MDGA2: variants seen among roughly 807,000 people sequenced by gnomAD.
MDGA2 encodes the protein MAM domain-containing glycosylphosphatidylinositol anchor protein 2.
MDGA2 carries 40 observed loss-of-function variants against 117.8 expected under a neutral mutation model. The observed-to-expected ratio is 0.34, with a 90% CI of 0.26 to 0.44. The LOEUF (loss-of-function observed/expected upper bound fraction) is 0.44. MDGA2 is among the 20% of genes least tolerant of loss of function. The pLI is 1.00. For synonymous variants in MDGA2, 452 were observed against 439.0 expected (o/e 1.03, Z -0.37); for missense variants, 1,123 against 1,250.6 (o/e 0.90, Z 1.54).
At position 46,884,653 on chromosome 14, in the gene MDGA2, C is replaced by T. The variant is rs1365461024; in HGVS notation, c.2239-2432G>A. On this transcript the variant is annotated intron_variant, in intron 10 of 16. Coordinates refer to ENST00000399232, the MANE Select transcript of MDGA2 (RefSeq NM_001113498.3). The surrounding 1 kb of genome is among the most constrained non-coding windows in gnomAD (Gnocchi z 4.1). ...AAATATAAAATATATAGAGTGTCTG[C>T]ACAGAAGAGAGAAAAATATATACCA... Among the ~76,000 whole-genome samples the T allele has an allele frequency of 6.6e-6, 1 of 151,928 alleles. No homozygotes were observed. Among genetic ancestry groups the T allele is most frequent in the Non-Finnish European group, 1.5e-5 (1 of 67,994 alleles).
At chr14:47,096,722 T>C in intron 6 of MDGA2, 132 bp downstream of exon 6, 4 of 912,274 alleles carry the variant, frequency 4.4e-6, no homozygotes, top group Non-Finnish European at 6.7e-6. Flanking sequence ...ACCATTATTA[T>C]TTATACATGA....
In MDGA2 at chr14:46,874,122, T is replaced by G; in HGVS notation, c.2516A>C (p.Lys839Thr). ...QDDTDNFDWT[K>T]QSTATRNTKY... ...TGTATTTCTTGTTGCTGTACTTTGC[T>G]TTGTCCAGTCAAAATTATCTGTATC... The change falls in exon 13 of 17, where the codon AAG (lysine) becomes ACG (threonine). Residue 839 changes from lysine to threonine, a missense_variant. Lys to Thr is a moderately conservative substitution (Grantham distance 78). Around this residue, in one of 2 missense-constraint regions of MDGA2, gnomAD observed 890 missense variants for 1,050.3 expected, o/e 0.85. Coordinates refer to ENST00000399232, the MANE Select transcript of MDGA2 (RefSeq NM_001113498.3). The G allele has an allele frequency of 6.4e-7, 1 of 1,550,896 alleles. No homozygotes were observed. Among genetic ancestry groups the G allele is most frequent in the Non-Finnish European group, 8.7e-7 (1 of 1,149,788 alleles).
chr14:47,176,777 C>A (rs1022196139), intron 3 of MDGA2, among the ~76,000 whole-genome samples: 10 of 152,070 alleles, frequency 6.6e-5, no homozygotes, highest in Non-Finnish European at 1.3e-4. Flanking sequence ...AAAGCAATGG[C>A]AACAAAAGCC....
At chr14:47,598,872 C>A (rs1165874003) in intron 1 of MDGA2, among the ~76,000 whole-genome samples, 1 of 152,094 alleles carries the variant, frequency 6.6e-6, no homozygotes, top group Non-Finnish European at 1.5e-5. Context: ...CTACACTCTT[C>A]CCCACCTAAA....
Position 47,301,496 on chromosome 14 carries a change from T to C in MDGA2, c.335A>G (p.Glu112Gly), listed in dbSNP as rs187498428. The change falls in exon 2 of 17, where the codon GAG becomes GGG. Residue 112 changes from glutamate (E) to glycine (G), a missense_variant. By Grantham distance (98) the Glu-to-Gly change is moderately conservative (BLOSUM62 -2). Around this residue, in one of 2 missense-constraint regions of MDGA2, gnomAD observed 233 missense variants for 200.3 expected, o/e 1.16. Coordinates refer to ENST00000399232, the MANE Select transcript of MDGA2 (RefSeq NM_001113498.3). ...AGTGTAGACCCTTTCGGAGTAGCGCTCCTCTTCAATGTTACAGGCCAAGCC... is the reference window on the plus strand; with the variant it reads ...AGTGTAGACCCTTTCGGAGTAGCGCCCCTCTTCAATGTTACAGGCCAAGCC... ...HSGLACNIEE[E>G]RYSERVYTIR... 110 of 1,551,658 alleles carry C rather than the reference T, an allele frequency of 7.1e-5. No individual in the cohort carries two copies. In the African/African-American group the frequency reaches 9.3e-4, roughly 13 times the overall value.
intron 1 of MDGA2, among the ~76,000 whole-genome samples, chr14:47,479,357 G>C (rs1157786574): frequency 6.6e-6 from 1 of 150,982 alleles, no homozygotes; most frequent in African/African-American, 2.4e-5. Context: ...CCTCCTCTTG[G>C]CATCTAACCT....
intron 3 of MDGA2, chr14:47,200,713 C>T: frequency 1.1e-6 from 1 of 922,378 alleles, no homozygotes. Context: ...CCTTCCTCTT[C>T]TCCTGCAGGG....
chr14:46,877,801 T>C (rs960802497), intron 11 of MDGA2, among the ~76,000 whole-genome samples: 1 of 151,852 alleles, frequency 6.6e-6, no homozygotes, highest in Non-Finnish European at 1.5e-5. Flanking sequence ...CTCTTAAATA[T>C]CTGAACTAGT....
intron 6 of MDGA2, among the ~76,000 whole-genome samples, chr14:47,081,502 C>G (rs530552071): frequency 7.6e-4 from 116 of 152,122 alleles, no homozygotes; most frequent in Non-Finnish European, 1.5e-3. Flanking sequence ...TCTCCAAGGT[C>G]AGGAAAATTA....
At position 47,206,016 on chromosome 14, in the gene MDGA2, T is replaced by A. The variant is rs572737700; in HGVS notation, c.595+12005A>T. 1.6e-3 allele frequency among the ~76,000 whole-genome samples: 248 copies of A among 152,148 alleles called. 2 individuals carry two copies. The highest frequency in any genetic ancestry group is 5.6e-3 in the African/African-American group (233 of 41,548). On this transcript the variant is annotated intron_variant, in intron 3 of 16. Transcript: ENST00000399232. The stretch of plus-strand genomic sequence containing the variant: ...CCACAAAGGGCACTATTCAAAAACA[T>A]TGTTTTGCAGATCTCAGTCTCACAT...
chr14:47,510,726 T>G (rs1894621776), intron 1 of MDGA2, among the ~76,000 whole-genome samples: 2 of 152,234 alleles, frequency 1.3e-5, no homozygotes, highest in African/African-American at 4.8e-5. Context: ...CCAAACTGCT[T>G]GTGGTTGTCA....
chr14:47,045,518 CT>C (rs199993629), intron 7 of MDGA2, among the ~76,000 whole-genome samples: 5 of 151,118 alleles, frequency 3.3e-5, no homozygotes, highest in Admixed American at 6.6e-5. Flanking sequence ...ATGTGGAAAA[CT>C]TTTTTTTTCT....
At chr14:47,000,422 C>CATATAAATATATATACATATAAATATAT (rs1887486634) in intron 8 of MDGA2, among the ~76,000 whole-genome samples, 3 of 75,384 alleles carry the variant, frequency 4.0e-5, no homozygotes, top group Admixed American at 1.4e-4. Context: ...TATATATACA[C>CATATAAATATATATACATATAAATATAT]ATATAAATAT....
At chr14:47,396,374 T>G (rs1892009096) in intron 1 of MDGA2, among the ~76,000 whole-genome samples, 2 of 152,014 alleles carry the variant, frequency 1.3e-5, no homozygotes, top group Non-Finnish European at 2.9e-5. Flanking sequence ...TTTTCTTTTT[T>G]AAATTAGGAC....
At chr14:47,430,627 TC>T (rs1014808972) in intron 1 of MDGA2, among the ~76,000 whole-genome samples, 3 of 152,124 alleles carry the variant, frequency 2.0e-5, no homozygotes, top group Admixed American at 2.0e-4. Flanking sequence ...ACTGCTCCAA[TC>T]TACCAGTAAT....
At chr14:47,039,653 A>G (rs1230131647) in intron 7 of MDGA2, among the ~76,000 whole-genome samples, 1 of 152,226 alleles carries the variant, frequency 6.6e-6, no homozygotes, top group Non-Finnish European at 1.5e-5. Flanking sequence ...AACAACCTGA[A>G]AACAGCTTAA....
chr14:47,371,980 A>G (rs1311351656), intron 1 of MDGA2, among the ~76,000 whole-genome samples: 1 of 151,798 alleles, frequency 6.6e-6, no homozygotes, highest in Admixed American at 6.6e-5. Flanking sequence ...TAAAATGTAT[A>G]TAATTTCATT....
intron 1 of MDGA2, among the ~76,000 whole-genome samples, chr14:47,494,876 T>TTATGTA (rs1894246892): frequency 7.1e-6 from 1 of 141,020 alleles, no homozygotes; most frequent in Non-Finnish European, 1.5e-5. Flanking sequence ...TAAAATGTGA[T>TTATGTA]TATATATATA....
At position 46,841,990 on chromosome 14, in the gene MDGA2, C is replaced by A. The variant is rs1365274474; in HGVS notation, c.3019G>T (p.Val1007Phe). Residue 1007 changes from valine (V) to phenylalanine (F), a missense_variant, in exon 17 of 17, where the codon GTT (valine) becomes TTT (phenylalanine). Physicochemically the swap from Val to Phe is conservative, Grantham distance 50 (BLOSUM62 -1). Transcript: ENST00000399232. Reference protein sequence around the residue: ...NSVDGAVGILVHIWLFPIIVL... With the variant: ...NSVDGAVGILFHIWLFPIIVL... The stretch of plus-strand genomic sequence containing the variant: ...ATAATGGGAAAAAGCCATATATGAA[C>A]CAAAATCCCAACAGCACCATCAACG... 2.5e-6 allele frequency: 4 copies of A among 1,611,382 alleles called. No homozygotes were observed. Among genetic ancestry groups the A allele is most frequent in the Non-Finnish European group, 3.4e-6 (4 of 1,178,420 alleles).
Sources: gnomAD v4.1 joint callset for allele counts (sites outside exome capture counted in the v4.1 genomes callset) on GRCh38, gnomAD v4.1.1 for gene constraint, gnomAD v4.1.1 regional missense constraint, Gnocchi (gnomAD v3.1) non-coding constraint, MANE v1.5 for transcripts, NCBI Gene and HGNC (gene_info 2026-07-23, HGNC 2026-07-21) for gene names.